The following MRTFB variants were observed in gnomAD, a reference collection of about 807,000 sequenced individuals.
MRTFB encodes myocardin related transcription factor B.
In MRTFB, 29 loss-of-function variants were observed where a neutral mutation model predicts 104.2. The ratio of observed to expected loss-of-function variants is 0.28; its 90% CI spans 0.21 to 0.38. The LOEUF is 0.38. MRTFB is among the 10% of genes least tolerant of loss of function. MRTFB has a pLI of 1.00. For missense variants in MRTFB, 1,270 were observed against 1,341.6 expected (o/e 0.95, Z 0.83); for synonymous variants, 535 against 519.5 (o/e 1.03, Z -0.41).
chr16:14,037,140 T>C, the MRTFB span, among the ~76,000 whole-genome samples: 17 of 152,166 alleles, frequency 1.1e-4, no homozygotes, highest in Admixed American at 1.0e-3. Context: ...CAGGCTTGGA[T>C]TTGCATCCCA....
At chr16:14,205,886 G>T (rs2040919184) in intron 3 of MRTFB, among the ~76,000 whole-genome samples, 1 of 152,174 alleles carries the variant, frequency 6.6e-6, no homozygotes, top group Non-Finnish European at 1.5e-5. Context: ...GAATGCTCTT[G>T]GTTTCAGTTT....
the MRTFB span, among the ~76,000 whole-genome samples, chr16:14,016,769 GC>G: frequency 1.7e-5 from 1 of 57,838 alleles, no homozygotes. Flanking sequence ...GGGAAACTCT[GC>G]CTCAAAAAAA....
intron 3 of MRTFB, among the ~76,000 whole-genome samples, chr16:14,165,321 A>T (rs1259229981): frequency 6.6e-6 from 1 of 151,922 alleles, no homozygotes; most frequent in Non-Finnish European, 1.5e-5. Flanking sequence ...CTGTTAATTG[A>T]TCTGTTCCTT....
At chr16:14,070,235 G>A (rs76373936), upstream of MRTFB, among the ~76,000 whole-genome samples, 269 of 152,228 alleles carry the variant, frequency 1.8e-3, 2 homozygotes, top group East Asian at 0.04. Context: ...GCTGGGCTCC[G>A]GACTCAGACC....
chr16:14,001,630 C>T, the MRTFB span, among the ~76,000 whole-genome samples: 1 of 152,200 alleles, frequency 6.6e-6, no homozygotes, highest in Non-Finnish European at 1.5e-5. Context: ...TCCTCAGCCT[C>T]GTGTCCCACG....
intron 8 of MRTFB, among the ~76,000 whole-genome samples, chr16:14,227,558 C>T (rs2042064167): frequency 1.3e-5 from 2 of 152,138 alleles, no homozygotes; most frequent in African/African-American, 4.8e-5. Flanking sequence ...GTTGCCCAGG[C>T]TGGAGTGCAG....
intron 8 of MRTFB, among the ~76,000 whole-genome samples, chr16:14,232,991 G>A (rs1479482230): frequency 6.6e-6 from 1 of 152,220 alleles, no homozygotes; most frequent in African/African-American, 2.4e-5. Context: ...GTGTAAGTAA[G>A]TCCAAGTAGT....
At chr16:14,137,686 G>A (rs1415787868) in intron 2 of MRTFB, among the ~76,000 whole-genome samples, 1 of 152,014 alleles carries the variant, frequency 6.6e-6, no homozygotes, top group Non-Finnish European at 1.5e-5. Flanking sequence ...CTTTTTTGAA[G>A]TCTACTTTAT....
intron 2 of MRTFB, among the ~76,000 whole-genome samples, chr16:14,081,828 G>A (rs191955729): frequency 2.6e-5 from 4 of 152,246 alleles, no homozygotes; most frequent in South Asian, 2.1e-4. Context: ...CAGTCCACCC[G>A]CCTCGGCTTC....
chr16:14,056,507 G>A, the MRTFB span, among the ~76,000 whole-genome samples: 1 of 152,076 alleles, frequency 6.6e-6, no homozygotes, highest in Admixed American at 6.6e-5. Flanking sequence ...TATTTTTTGA[G>A]CAATTCCCTA....
intron 8 of MRTFB, among the ~76,000 whole-genome samples, chr16:14,232,062 T>C (rs1181704268): frequency 6.6e-6 from 1 of 152,200 alleles, no homozygotes; most frequent in African/African-American, 2.4e-5. Flanking sequence ...ATATTACATT[T>C]GATACTACAT....
At chr16:14,075,626 A>G (rs1056524120) in intron 1 of MRTFB, among the ~76,000 whole-genome samples, 1 of 152,222 alleles carries the variant, frequency 6.6e-6, no homozygotes, top group Admixed American at 6.5e-5. Flanking sequence ...CTGCTGGTCC[A>G]AGGACCATAC....
chr16:14,220,316 G>A (rs984519326), intron 8 of MRTFB, among the ~76,000 whole-genome samples: 1 of 152,188 alleles, frequency 6.6e-6, no homozygotes, highest in African/African-American at 2.4e-5. Context: ...ATCCATTTGG[G>A]TTGTTTGTTC....
At chr16:14,092,660 G>T (rs979549816) in intron 2 of MRTFB, 1 of 152,168 alleles carries the variant, frequency 6.6e-6, no homozygotes, top group Non-Finnish European at 1.5e-5. Context: ...GATAAAGACA[G>T]ATTCTATTTC....
At chr16:14,166,217 CTTTTTT>C (rs35113283) in intron 3 of MRTFB, among the ~76,000 whole-genome samples, 1 of 112,540 alleles carries the variant, frequency 8.9e-6, no homozygotes, top group Non-Finnish European at 2.0e-5. Context: ...GTTTTCTTTT[CTTTTTT>C]TTTTTTTTTT....
chr16:14,056,254 C>T, the MRTFB span, among the ~76,000 whole-genome samples: 3 of 152,100 alleles, frequency 2.0e-5, no homozygotes, highest in East Asian at 5.8e-4. Flanking sequence ...TTTGGGATTA[C>T]AGCCATGAGC....
chr16:13,998,871 CA>C, the MRTFB span, among the ~76,000 whole-genome samples: 68 of 29,626 alleles, frequency 2.3e-3, 1 homozygote, highest in East Asian at 0.012. Context: ...GACTCTGTTT[CA>C]AAAAAAAAAA....
intron 3 of MRTFB, among the ~76,000 whole-genome samples, chr16:14,163,747 C>T (rs942123585): frequency 6.6e-6 from 1 of 151,470 alleles, no homozygotes; most frequent in Non-Finnish European, 1.5e-5. Context: ...GCAGGAGAAT[C>T]GCTTGAACCC....
At chr16:14,101,489 A>G (rs1435471865) in intron 2 of MRTFB, among the ~76,000 whole-genome samples, 1 of 152,204 alleles carries the variant, frequency 6.6e-6, no homozygotes. Context: ...TTGACTACAC[A>G]TCTCCTTCTT....
Sources: gnomAD v4.1 joint callset for allele counts (sites outside exome capture counted in the v4.1 genomes callset) on GRCh38, gnomAD v4.1.1 for gene constraint, MANE v1.5 for transcripts, NCBI Gene and HGNC (gene_info 2026-07-23, HGNC 2026-07-21) for gene names.